CDS2: variants seen among roughly 807,000 people sequenced by gnomAD.
CDS2 encodes the protein CDP-diacylglycerol synthase 2.
Under a neutral mutation model 59.0 loss-of-function variants are expected in CDS2, and 47 were observed. That is an observed-to-expected ratio of 0.80 (90% CI 0.63 to 1.02). The LOEUF (loss-of-function observed/expected upper bound fraction) is 1.02, where lower values mean the gene tolerates loss of function less well. Among genes scored for constraint, CDS2 ranks in the 50% least tolerant of loss-of-function variants. The pLI is 0.00. For synonymous variants in CDS2, 207 were observed against 206.4 expected, an observed-to-expected ratio of 1.00 and a Z score of -0.02; for missense variants, 356 against 558.9, an observed-to-expected ratio of 0.64 and a Z score of 3.66.
intron 1 of CDS2, among the ~76,000 whole-genome samples, chr20:5,148,178 C>T (rs2090759082): frequency 6.6e-6 from 1 of 152,194 alleles, no homozygotes; most frequent in South Asian, 2.1e-4. Flanking sequence ...GCTGCACCCC[C>T]TTCCTGCCAT....
At chr20:5,136,717 A>G (rs2090652836) in intron 1 of CDS2, among the ~76,000 whole-genome samples, 1 of 151,952 alleles carries the variant, frequency 6.6e-6, no homozygotes, top group Admixed American at 6.6e-5. Context: ...GGTGGGGTGG[A>G]GTGATAGAAT....
At chr20:5,183,229 C>T (rs1298008916) in intron 7 of CDS2, 86 bp downstream of exon 7, 3 of 1,086,780 alleles carry the variant, frequency 2.8e-6, no homozygotes, top group Non-Finnish European at 4.2e-6. Flanking sequence ...TGGCCCTCAC[C>T]TTGAGCCACA....
intron 1 of CDS2, among the ~76,000 whole-genome samples, chr20:5,157,326 G>C (rs924716087): frequency 1.3e-5 from 2 of 152,140 alleles, no homozygotes; most frequent in African/African-American, 2.4e-5. Context: ...AGGGGGAGAA[G>C]TGGATTGGTG....
At chr20:5,152,095 CA>C (rs931613129) in intron 1 of CDS2, among the ~76,000 whole-genome samples, 7 of 144,178 alleles carry the variant, frequency 4.9e-5, no homozygotes, top group African/African-American at 1.5e-4. Context: ...AAAAAAAAAA[CA>C]AAAAAACAAA....
chr20:5,127,375 C>G (rs997952847), intron 1 of CDS2, among the ~76,000 whole-genome samples: 5 of 152,140 alleles, frequency 3.3e-5, no homozygotes, highest in African/African-American at 1.2e-4. Context: ...AAGTGGCTCC[C>G]CCGGGGCGCA....
intron 8 of CDS2, among the ~76,000 whole-genome samples, chr20:5,185,157 AT>A (rs1403641847): frequency 5.3e-5 from 8 of 151,752 alleles, no homozygotes; most frequent in African/African-American, 1.9e-4. Flanking sequence ...GTGGTGGGTC[AT>A]GCCTGTAATC....
intron 1 of CDS2, among the ~76,000 whole-genome samples, chr20:5,154,445 T>C (rs1444439574): frequency 6.6e-6 from 1 of 152,134 alleles, no homozygotes; most frequent in Non-Finnish European, 1.5e-5. Flanking sequence ...GATATAGCAG[T>C]GAATAAACAA....
intron 1 of CDS2, among the ~76,000 whole-genome samples, chr20:5,149,725 T>C (rs1243345396): frequency 2.6e-5 from 4 of 151,960 alleles, no homozygotes; most frequent in African/African-American, 7.3e-5. Context: ...TTTTGTTTTT[T>C]GTTTTTTTGA....
intron 1 of CDS2, among the ~76,000 whole-genome samples, chr20:5,172,321 T>C (rs1249427511): frequency 6.6e-6 from 1 of 152,008 alleles, no homozygotes; most frequent in Non-Finnish European, 1.5e-5. Context: ...TCGCCTGAGG[T>C]GAAGGTGGGG....
At chr20:5,166,766 G>C (rs570585578) in intron 1 of CDS2, among the ~76,000 whole-genome samples, 1 of 152,318 alleles carries the variant, frequency 6.6e-6, no homozygotes, top group African/African-American at 2.4e-5. Flanking sequence ...TGGGTTTCGT[G>C]ACAAAGTCCT....
intron 1 of CDS2, among the ~76,000 whole-genome samples, chr20:5,135,702 C>T (rs993711954): frequency 3.3e-5 from 5 of 152,116 alleles, no homozygotes; most frequent in African/African-American, 7.2e-5. Flanking sequence ...GTTGTTTGCC[C>T]CAACAGTAGG....
At chr20:5,169,423 C>CTATCA (rs2090938791) in intron 1 of CDS2, among the ~76,000 whole-genome samples, 1 of 152,208 alleles carries the variant, frequency 6.6e-6, no homozygotes, top group Admixed American at 6.5e-5. Context: ...AAAGTGGGTA[C>CTATCA]TATCATATCT....
rs1431223268 is a variant in CDS2 at position 5,127,133 on chromosome 20, C to T, written c.41C>T (p.Ala14Val). Reference sequence around the variant, plus strand: ...CAGAGGGTGGCCCATGAGCCGGTTGCGCCACCCGAGGACAAGGTAGCGGCA... The same window carrying T: ...CAGAGGGTGGCCCATGAGCCGGTTGTGCCACCCGAGGACAAGGTAGCGGCA... ...LRQRVAHEPV[A>V]PPEDKESESE... Residue 14 changes from alanine to valine, a missense_variant, in exon 1 of 13, where the codon GCG becomes GTG. Physicochemically the swap from Ala to Val is moderately conservative, Grantham distance 64 (BLOSUM62 0). Coordinates refer to ENST00000460006, the MANE Select transcript of CDS2 (RefSeq NM_003818.4). The T allele has an allele frequency of 1.6e-5, 24 of 1,494,960 alleles. No homozygotes were observed. Among genetic ancestry groups the T allele is most frequent in the Non-Finnish European group, 2.1e-5 (23 of 1,121,252 alleles). The allele number at this position is 1,494,960 out of a possible 1,614,324, so 92.6% of individuals were successfully genotyped here.
intron 1 of CDS2, among the ~76,000 whole-genome samples, chr20:5,136,866 T>C (rs80171004): frequency 1.5e-3 from 234 of 152,264 alleles, no homozygotes; most frequent in African/African-American, 5.1e-3. Context: ...TGCTGAGGTT[T>C]GGTGTACAAA....
At chr20:5,137,405 G>C (rs904601131) in intron 1 of CDS2, among the ~76,000 whole-genome samples, 1 of 151,468 alleles carries the variant, frequency 6.6e-6, no homozygotes, top group East Asian at 2.0e-4. Flanking sequence ...TACCACACTT[G>C]GCTAATTTTT....
chr20:5,165,702 C>T (rs142527293), intron 1 of CDS2, among the ~76,000 whole-genome samples: 32 of 152,140 alleles, frequency 2.1e-4, no homozygotes, highest in African/African-American at 5.3e-4. Flanking sequence ...GCATGAACCA[C>T]GGTGGGGAGC....
At chr20:5,189,221 T>C in intron 11 of CDS2, 35 bp downstream of exon 11, 1 of 1,613,196 alleles carries the variant, frequency 6.2e-7, no homozygotes, top group Non-Finnish European at 8.5e-7. Context: ...CTCATCTCAC[T>C]CCCTCACCCA....
At position 5,188,055 on chromosome 20, in the gene CDS2, CGT is replaced by C. The variant is rs71332879; in HGVS notation, c.982-987_982-986del. Among the ~76,000 whole-genome samples, 270 of 148,464 alleles carry C rather than the reference CGT, an allele frequency of 1.8e-3. 1 individual carries two copies. Among genetic ancestry groups the C allele is most frequent in the Middle Eastern group, 6.9e-3 (2 of 288 alleles). On this transcript the variant is annotated intron_variant, in intron 10 of 12. Transcript: ENST00000460006. ...GAGGTCTGTGATGATTCTTAACGTA[CGT>C]GTGTGTGTGTGTGTGTGTGTGTGTT...
intron 1 of CDS2, among the ~76,000 whole-genome samples, chr20:5,130,288 T>C (rs1362834035): frequency 3.3e-5 from 5 of 152,190 alleles, no homozygotes; most frequent in African/African-American, 9.6e-5. Flanking sequence ...AGTAAACTTT[T>C]AAAAAATCCT....
Sources: allele counts gnomAD v4.1 joint callset (sites outside exome capture counted in the v4.1 genomes callset), GRCh38; gene constraint gnomAD v4.1.1; transcripts MANE v1.5; gene names NCBI Gene and HGNC (gene_info 2026-07-23, HGNC 2026-07-21).